CRISP2: variants seen among roughly 807,000 people sequenced by gnomAD.
CRISP2 encodes cysteine rich secretory protein 2, also known as cysteine-rich secretory protein 2.
CRISP2 carries 29 observed loss-of-function variants against 31.7 expected under a neutral mutation model. That is an observed-to-expected ratio of 0.92 (90% confidence interval 0.68 to 1.25). The LOEUF is 1.25. Among genes scored for constraint, CRISP2 ranks in the 50% most tolerant of loss-of-function variants. CRISP2 has a pLI of 0.00. For missense variants in CRISP2, 318 were observed against 286.5 expected, an observed-to-expected ratio of 1.11 and a Z score of -0.79; for synonymous variants, 111 against 101.4, an observed-to-expected ratio of 1.09 and a Z score of -0.57.
At chr6:49,710,186 C>T (rs1486081963) in intron 3 of CRISP2, among the ~76,000 whole-genome samples, 1 of 152,120 alleles carries the variant, frequency 6.6e-6, no homozygotes, top group Non-Finnish European at 1.5e-5. Flanking sequence ...ATCATTGATA[C>T]TTGTTCCATC....
intron 4 of CRISP2, among the ~76,000 whole-genome samples, chr6:49,703,788 C>A (rs1766523772): frequency 6.6e-6 from 1 of 152,130 alleles, no homozygotes; most frequent in African/African-American, 2.4e-5. Flanking sequence ...TCGTAATATT[C>A]TTTTCTTGAT....
In CRISP2 at chr6:49,698,096, A is replaced by G. The variant is rs200925845; in HGVS notation, c.418-139T>C. 4.1e-6 allele frequency: 3 copies of G among 737,010 alleles called. No homozygotes were observed. In the South Asian group the frequency reaches 7.1e-5, roughly 17 times the overall value. 45.7% of individuals were successfully genotyped at this position (737,010 alleles called of 1,614,324 possible). ...AAAAATATTTAAATTATTGAACCAA[A>G]GTCATAAACTTTAAAAATATTTAAT... On this transcript the variant is annotated intron_variant, in intron 7 of 9. Transcript: ENST00000339139.
intron 3 of CRISP2, among the ~76,000 whole-genome samples, chr6:49,710,528 T>A (rs1021191663): frequency 5.9e-5 from 9 of 152,194 alleles, no homozygotes; most frequent in South Asian, 2.1e-4. Context: ...TTTACTTTAA[T>A]AATTCCCTTA....
At chr6:49,695,764 G>T in intron 9 of CRISP2, 72 bp downstream of exon 9, 2 of 1,189,924 alleles carry the variant, frequency 1.7e-6, no homozygotes, top group Non-Finnish European at 2.4e-6. Context: ...TAGGAGATTT[G>T]TTAAATTATA....
At chr6:49,680,105 T>C in the CRISP2 span, among the ~76,000 whole-genome samples, 1 of 152,100 alleles carries the variant, frequency 6.6e-6, no homozygotes, top group Non-Finnish European at 1.5e-5. Flanking sequence ...ACCCAGGTAT[T>C]AGGCCTAGTA....
chr6:49,702,146 T>TATATGTGTACATATATATATATGTGTAC (rs1766139133), intron 4 of CRISP2, among the ~76,000 whole-genome samples: 4 of 23,368 alleles, frequency 1.7e-4, no homozygotes, highest in African/African-American at 1.5e-3. Flanking sequence ...GTACTATATA[T>TATATGTGTACATATATATATATGTGTAC]ATATATATAT....
chr6:49,708,573 C>A (rs979191231), intron 4 of CRISP2, among the ~76,000 whole-genome samples: 16 of 152,074 alleles, frequency 1.1e-4, no homozygotes, highest in Admixed American at 4.6e-4. Flanking sequence ...GTGGCAGAGA[C>A]CACCAGAAGG....
At chr6:49,701,513 T>TATATATATATACACACA (rs1437474570) in intron 4 of CRISP2, among the ~76,000 whole-genome samples, 17 of 128,394 alleles carry the variant, frequency 1.3e-4, no homozygotes, top group Non-Finnish European at 1.9e-4. Context: ...TATATATATA[T>TATATATATATACACACA]ATATATATAT....
intron 4 of CRISP2, among the ~76,000 whole-genome samples, chr6:49,705,383 A>T (rs1766845799): frequency 3.3e-5 from 5 of 152,070 alleles, no homozygotes; most frequent in Admixed American, 2.0e-4. Context: ...AATAGAGCTG[A>T]ATTTATATCC....
chr6:49,704,524 T>C (rs1766667182), intron 4 of CRISP2, among the ~76,000 whole-genome samples: 1 of 152,140 alleles, frequency 6.6e-6, no homozygotes, highest in South Asian at 2.1e-4. Flanking sequence ...GCTGTTCAGG[T>C]TCTTTTGCCT....
At chr6:49,703,302 C>CT (rs199876672) in intron 4 of CRISP2, among the ~76,000 whole-genome samples, 5,279 of 149,942 alleles carry the variant, frequency 0.035, 294 homozygotes, top group African/African-American at 0.12. Flanking sequence ...GCTATGCAGG[C>CT]TTTTTTTTTG....
intron 4 of CRISP2, among the ~76,000 whole-genome samples, chr6:49,706,009 T>C (rs1225499392): frequency 1.3e-5 from 2 of 152,246 alleles, no homozygotes; most frequent in African/African-American, 4.8e-5. Flanking sequence ...CTCCACATAT[T>C]GTTCTGTTTA....
At chr6:49,679,978 T>C in the CRISP2 span, among the ~76,000 whole-genome samples, 1 of 152,192 alleles carries the variant, frequency 6.6e-6, no homozygotes, top group East Asian at 1.9e-4. Flanking sequence ...AGTGCTGGGA[T>C]TACAGGTGTG....
chr6:49,712,229 C>T (rs1768139282), intron 2 of CRISP2, among the ~76,000 whole-genome samples: 1 of 152,152 alleles, frequency 6.6e-6, no homozygotes, highest in African/African-American at 2.4e-5. Context: ...TTTTGTATAG[C>T]TCAATCACCC....
In CRISP2 at chr6:49,692,748, T is replaced by G; in HGVS notation, c.*25A>C. ...AATGATGCAGCCCTTATCCATGCAGTCTTGCACAATGCTCACTAGGTAAAT... is the reference window on the plus strand; with the variant it reads ...AATGATGCAGCCCTTATCCATGCAGGCTTGCACAATGCTCACTAGGTAAAT... On this transcript the variant is annotated 3_prime_UTR_variant, in exon 10 of 10. Transcript: ENST00000339139. 1 of 1,606,206 alleles carries G rather than the reference T, an allele frequency of 6.2e-7. No homozygotes were observed.
In CRISP2 at chr6:49,692,952, A is replaced by G. The variant is rs753826316; in HGVS notation, c.605-52T>C. The G allele has an allele frequency of 1.0e-5, 16 of 1,596,254 alleles. No individual in the cohort carries two copies. The African/African-American group carries it at 1.2e-4, about 12-fold the overall frequency. On this transcript the variant is annotated intron_variant, in intron 9 of 9. Transcript: ENST00000339139. Reference sequence around the variant, plus strand: ...CATTATCGTTTTCCTCAGTAAGAGCAAAACCATACATTCAAAGTGTGTGGG... The same window carrying G: ...CATTATCGTTTTCCTCAGTAAGAGCGAAACCATACATTCAAAGTGTGTGGG...
chr6:49,697,724 C>A, intron 8 of CRISP2, 136 bp downstream of exon 8: 1 of 1,539,202 alleles, frequency 6.5e-7, no homozygotes. Context: ...GTGTCTCAAC[C>A]TTAAAAAACA....
chr6:49,689,099 C>A (rs537326291), downstream of CRISP2, among the ~76,000 whole-genome samples: 4 of 152,116 alleles, frequency 2.6e-5, no homozygotes, highest in Non-Finnish European at 5.9e-5. Context: ...CTGATCCTGA[C>A]CTCAGGTGAT....
At chr6:49,696,297 G>T (rs1764733738) in intron 8 of CRISP2, among the ~76,000 whole-genome samples, 1 of 152,100 alleles carries the variant, frequency 6.6e-6, no homozygotes, top group Non-Finnish European at 1.5e-5. Context: ...GAAAGGAGAA[G>T]ATCCTAGGAG....
Sources: gnomAD v4.1 joint callset for allele counts (sites outside exome capture counted in the v4.1 genomes callset) on GRCh38, gnomAD v4.1.1 for gene constraint, MANE v1.5 for transcripts, NCBI Gene and HGNC (gene_info 2026-07-23, HGNC 2026-07-21) for gene names.